SLC26A2: variants seen among roughly 807,000 people sequenced by gnomAD.
SLC26A2 encodes solute carrier family 26 member 2, also known as sulfate transporter.
A neutral mutation model predicts 41.1 loss-of-function variants in SLC26A2; 36 were observed. The observed-to-expected ratio is 0.88, with a 90% CI of 0.67 to 1.16. The LOEUF (loss-of-function observed/expected upper bound fraction) is 1.16, where lower values mean the gene tolerates loss of function less well. Ranked by LOEUF, SLC26A2 falls within the 50% of genes most tolerant of loss-of-function variation. The pLI is 0.00. For synonymous variants in SLC26A2, 291 were observed against 311.6 expected (o/e 0.93, Z 0.70); for missense variants, 796 against 869.6 (o/e 0.92, Z 1.07).
In SLC26A2 at chr5:149,977,641, C is replaced by T. The variant is rs1290661938; in HGVS notation, c.-12C>T. 6.3e-7 allele frequency: 1 copy of T among 1,585,258 alleles called. No homozygotes were observed. The highest frequency in any genetic ancestry group is 1.3e-5 in the African/African-American group (1 of 74,380). On this transcript the variant is annotated 5_prime_UTR_variant, in exon 2 of 3. Coordinates refer to ENST00000286298, the MANE Select transcript of SLC26A2 (RefSeq NM_000112.4). ...TCTCTGGTGTAGGAAGCTGAACCATCTATCTCCAGAAATGTCTTCAGAAAG... is the reference window on the plus strand; with the variant it reads ...TCTCTGGTGTAGGAAGCTGAACCATTTATCTCCAGAAATGTCTTCAGAAAG...
intron 1 of SLC26A2, among the ~76,000 whole-genome samples, chr5:149,963,392 C>T (rs1754747512): frequency 6.6e-6 from 1 of 151,822 alleles, no homozygotes; most frequent in Non-Finnish European, 1.5e-5. Flanking sequence ...GATTCTCCTG[C>T]CTCAGCCTCC....
In SLC26A2 at chr5:149,983,941, G is replaced by C. The variant is rs1214711786; in HGVS notation, c.*2128G>C. 5 of 152,142 alleles carry C rather than the reference G, an allele frequency of 3.3e-5. No individual in the cohort carries two copies. The highest frequency in any genetic ancestry group is 5.9e-5 in the Non-Finnish European group (4 of 68,038). 9.4% of individuals were successfully genotyped at this position (152,142 alleles called of 1,614,324 possible). ...GCAGGCTTAAGTTGAGACTATTATA[G>C]GTGTCTAATAACCTGTGACAGAGTA... is the stretch of plus-strand genomic sequence containing the variant. On this transcript the variant is annotated 3_prime_UTR_variant, in exon 3 of 3. Coordinates refer to ENST00000286298, the MANE Select transcript of SLC26A2 (RefSeq NM_000112.4).
chr5:149,963,463 G>A (rs1378235069), intron 1 of SLC26A2, among the ~76,000 whole-genome samples: 1 of 152,094 alleles, frequency 6.6e-6, no homozygotes, highest in African/African-American at 2.4e-5. Context: ...ATTTTTAGTA[G>A]AGACGGGGTT....
intron 1 of SLC26A2, 54 bp downstream of exon 1, chr5:149,961,033 A>G (rs1310039792): frequency 6.6e-6 from 1 of 152,246 alleles, no homozygotes; most frequent in Admixed American, 6.5e-5. Context: ...CTGGCCGCCA[A>G]GCGGTCAGCG....
intron 1 of SLC26A2, among the ~76,000 whole-genome samples, chr5:149,971,844 T>A (rs1754911546): frequency 6.6e-6 from 1 of 152,218 alleles, no homozygotes; most frequent in South Asian, 2.1e-4. Flanking sequence ...ATGAGTGATA[T>A]AGTAAGTGAC....
rs568306253 is a variant in SLC26A2, at chr5:149,985,124, T to C, written c.*3311T>C. The stretch of plus-strand genomic sequence containing the variant: ...CCATACCTCCCAGAGCAAGGTATCT[T>C]TCTAGAGCAAATTTCTCTTTCTAGA... On this transcript the variant is annotated 3_prime_UTR_variant, in exon 3 of 3. Transcript: ENST00000286298. 2.0e-5 allele frequency: 3 copies of C among 152,336 alleles called. No individual in the cohort carries two copies. The South Asian group carries it at 6.2e-4, about 32-fold the overall frequency. 9.4% of individuals were successfully genotyped at this position (152,336 alleles called of 1,614,324 possible).
In SLC26A2 at chr5:149,982,297, G is replaced by A. The variant is rs979957329; in HGVS notation, c.*484G>A. On this transcript the variant is annotated 3_prime_UTR_variant, in exon 3 of 3. Transcript: ENST00000286298. ...TGGATCACAAAGTCATAACTAGACA[G>A]GTTTGTTCTTGTAGTTTTCTATCCC... is the stretch of plus-strand genomic sequence containing the variant. 1 of 153,840 alleles carries A rather than the reference G, an allele frequency of 6.5e-6. No individual in the cohort carries two copies. Among genetic ancestry groups the A allele is most frequent in the East Asian group, 1.9e-4 (1 of 5,220 alleles). 9.5% of individuals were successfully genotyped at this position (153,840 alleles called of 1,614,324 possible).
At chr5:149,977,514 C>T in intron 1 of SLC26A2, 114 bp from the exon 2 acceptor site, 1 of 704,852 alleles carries the variant, frequency 1.4e-6, no homozygotes, top group Non-Finnish European at 2.5e-6. Context: ...CATAAGATAC[C>T]TATTCCAAAA....
chr5:149,981,540 A>G lies in SLC26A2; in HGVS notation c.1947A>G (p.Ile649Met), dbSNP rs764424605. 6.2e-7 allele frequency: 1 copy of G among 1,614,136 alleles called. No homozygotes were observed. The highest frequency in any genetic ancestry group is 1.7e-5 in the Admixed American group (1 of 60,010). ...LSHDPLELHTIVIDCSAIQFL... is the reference protein window; with the variant it reads ...LSHDPLELHTMVIDCSAIQFL... ...ATGATCCCTTGGAGCTGCATACTAT[A>G]GTGATTGACTGCAGTGCAATTCAAT... The change falls in exon 3 of 3, where the codon ATA becomes ATG. Residue 649 changes from isoleucine (I) to methionine (M), a missense_variant. Physicochemically the swap from Ile to Met is conservative, Grantham distance 10. Coordinates refer to ENST00000286298, the MANE Select transcript of SLC26A2 (RefSeq NM_000112.4).
Position 149,960,904 on chromosome 5 carries a change from T to C in SLC26A2, c.-101T>C, listed in dbSNP as rs934902436. The C allele has an allele frequency of 6.6e-6, 1 of 152,232 alleles. No homozygotes were observed. The highest frequency in any genetic ancestry group is 6.5e-5 in the Admixed American group (1 of 15,280). The allele number at this position is 152,232 out of a possible 1,614,324, so 9.4% of individuals were successfully genotyped here. ...AGGTATAGCTCTGTCGGCGCCGCGG[T>C]GTCCACCTCAGTCAGGCCACGGTGG... On this transcript the variant is annotated 5_prime_UTR_variant, in exon 1 of 3. Coordinates refer to ENST00000286298, the MANE Select transcript of SLC26A2 (RefSeq NM_000112.4).
intron 1 of SLC26A2, among the ~76,000 whole-genome samples, chr5:149,967,662 ACT>A (rs747631807): frequency 3.3e-4 from 50 of 151,740 alleles, no homozygotes; most frequent in Non-Finnish European, 5.7e-4. Flanking sequence ...TGAAATGGAA[ACT>A]CTGTAACCAG....
At chr5:149,964,825 T>C (rs754118137) in intron 1 of SLC26A2, among the ~76,000 whole-genome samples, 1 of 152,128 alleles carries the variant, frequency 6.6e-6, no homozygotes, top group Non-Finnish European at 1.5e-5. Flanking sequence ...TAGAGGAAAC[T>C]GAGTGACCAT....
At chr5:149,975,136 TG>T (rs1382306522) in intron 1 of SLC26A2, among the ~76,000 whole-genome samples, 2 of 152,226 alleles carry the variant, frequency 1.3e-5, no homozygotes, top group African/African-American at 2.4e-5. Context: ...TTGTTGATAT[TG>T]GGGGTTTTTT....
At chr5:149,961,508 A>C (rs967945176) in intron 1 of SLC26A2, among the ~76,000 whole-genome samples, 1 of 152,216 alleles carries the variant, frequency 6.6e-6, no homozygotes, top group East Asian at 1.9e-4. Context: ...AACACTGAGA[A>C]GACAGAGAGG....
intron 1 of SLC26A2, among the ~76,000 whole-genome samples, chr5:149,975,072 A>G (rs1258890177): frequency 1.3e-5 from 2 of 151,952 alleles, no homozygotes; most frequent in Non-Finnish European, 2.9e-5. Context: ...TATTCTAATT[A>G]TGCATATGTT....
At chr5:149,971,048 G>A (rs551205438) in intron 1 of SLC26A2, among the ~76,000 whole-genome samples, 1 of 152,318 alleles carries the variant, frequency 6.6e-6, no homozygotes, top group African/African-American at 2.4e-5. Flanking sequence ...TGACACTTGA[G>A]GACATTAATG....
rs75097996 is a variant in SLC26A2, at chr5:149,978,347, A to G, written c.695A>G (p.Tyr232Cys). The G allele has an allele frequency of 9.9e-6, 16 of 1,610,220 alleles. No homozygotes were observed. Among genetic ancestry groups the G allele is most frequent in the Non-Finnish European group, 1.2e-5 (14 of 1,178,444 alleles). ...ACTGTAACCTTTATAGCTGGAGTTTATCAGGTAAGCAGCAATGAAACAATT... is the reference window on the plus strand; with the variant it reads ...ACTGTAACCTTTATAGCTGGAGTTTGTCAGGTAAGCAGCAATGAAACAATT... ...GSTVTFIAGVYQVAMGFFQVG... is the reference protein window; with the variant it reads ...GSTVTFIAGVCQVAMGFFQVG... Residue 232 changes from tyrosine (Y) to cysteine (C), a missense_variant, in exon 2 of 3, where the codon TAT becomes TGT. Transcript: ENST00000286298.
intron 2 of SLC26A2, among the ~76,000 whole-genome samples, chr5:149,979,019 C>G (rs1056421765): frequency 6.6e-6 from 1 of 151,980 alleles, no homozygotes; most frequent in African/African-American, 2.4e-5. Context: ...CACCCAGCCT[C>G]AAATTCTAAA....
chr5:149,969,629 C>T (rs1407106390), intron 1 of SLC26A2, among the ~76,000 whole-genome samples: 1 of 152,194 alleles, frequency 6.6e-6, no homozygotes, highest in Non-Finnish European at 1.5e-5. Flanking sequence ...AACCTCCTGC[C>T]CTTTCCTGCC....
Sources: allele counts gnomAD v4.1 joint callset (sites outside exome capture counted in the v4.1 genomes callset), GRCh38; gene constraint gnomAD v4.1.1; transcripts MANE v1.5; gene names NCBI Gene and HGNC (gene_info 2026-07-23, HGNC 2026-07-21).